Variants in CELF2 observed in about 807,000 individuals in gnomAD.
CELF2 encodes the protein CUG triplet repeat RNA-binding protein 2.
Under a neutral mutation model 62.6 loss-of-function variants are expected in CELF2, and 8 were observed. The observed-to-expected ratio is 0.13, with a 90% CI of 0.07 to 0.23. CELF2 has a LOEUF of 0.23. Ranked by LOEUF, CELF2 falls within the 10% of genes least tolerant of loss-of-function variation. CELF2 has a pLI of 1.00. For synonymous variants in CELF2, 258 were observed against 250.0 expected, an observed-to-expected ratio of 1.03 and a Z score of -0.30; for missense variants, 333 against 671.0, an observed-to-expected ratio of 0.50 and a Z score of 5.56.
At chr10:10,722,639 C>T in the CELF2 span, among the ~76,000 whole-genome samples, 5 of 152,268 alleles carry the variant, frequency 3.3e-5, no homozygotes, top group East Asian at 9.6e-4. Flanking sequence ...AATGTTATAG[C>T]TTATTGCTTA....
the CELF2 span, among the ~76,000 whole-genome samples, chr10:10,747,246 ACT>A: frequency 6.6e-6 from 1 of 152,074 alleles, no homozygotes; most frequent in African/African-American, 2.4e-5. Context: ...GAATCTAAGG[ACT>A]CTTTCAATAA....
chr10:10,649,860 C>T, the CELF2 span, among the ~76,000 whole-genome samples: 1 of 152,178 alleles, frequency 6.6e-6, no homozygotes, highest in African/African-American at 2.4e-5. Flanking sequence ...AGGCTACATT[C>T]GGATTCCCCT....
In CELF2 at chr10:10,947,999, A is replaced by G. The variant is rs2047888624; in HGVS notation, c.89+28000A>G. Among the ~76,000 whole-genome samples, 1 of 152,218 alleles carries G rather than the reference A, an allele frequency of 6.6e-6. No individual in the cohort carries two copies. The highest frequency in any genetic ancestry group is 2.4e-5 in the African/African-American group (1 of 41,456). ...ATGAGAAAGCTGGATGTAGGTTTGG[A>G]CACACTGTGTGGGTGCCCACTTTTC... On this transcript the variant is annotated intron_variant, in intron 2 of 13. Coordinates refer to the CELF2 transcript ENST00000636488. This position sits in a 1 kb window ranked among gnomAD's most constrained non-coding sequence, Gnocchi z 4.1.
rs1347427189 is a variant in CELF2, at chr10:11,302,911, G to T, written c.977-11228G>T. On this transcript the variant is annotated intron_variant, in intron 9 of 12. Transcript: ENST00000633077. The surrounding 1 kb of genome is among the most constrained non-coding windows in gnomAD (Gnocchi z 5.0). The stretch of plus-strand genomic sequence containing the variant: ...GTCCTCTCTTTCTCTGCCAGGAGAT[G>T]AAGCCAGCGTGTGTTTGGCACAACA... Among the ~76,000 whole-genome samples, 1 of 152,198 alleles carries T rather than the reference G, an allele frequency of 6.6e-6. No individual in the cohort carries two copies. Among genetic ancestry groups the T allele is most frequent in the Non-Finnish European group, 1.5e-5 (1 of 68,034 alleles).
chr10:10,725,377 A>G, the CELF2 span, among the ~76,000 whole-genome samples: 1 of 152,220 alleles, frequency 6.6e-6, no homozygotes, highest in Admixed American at 6.5e-5. Context: ...GGTGAAATGT[A>G]GTAGCTATTA....
At chr10:10,547,710 T>A in the CELF2 span, among the ~76,000 whole-genome samples, 1 of 151,834 alleles carries the variant, frequency 6.6e-6, no homozygotes, top group Admixed American at 6.6e-5. Flanking sequence ...TGTGTGTGTG[T>A]GTGTGTGTGT....
intron 2 of CELF2, among the ~76,000 whole-genome samples, chr10:11,197,052 A>AGAAAAAAGAAAGAAG (rs2058026585): frequency 9.5e-5 from 3 of 31,620 alleles, no homozygotes; most frequent in African/African-American, 3.9e-4. Flanking sequence ...AAAGAAAGAA[A>AGAAAAAAGAAAGAAG]GAAAGAAAAG....
intron 1 of CELF2, among the ~76,000 whole-genome samples, chr10:10,910,463 G>A (rs1414526551): frequency 6.6e-6 from 1 of 152,088 alleles, no homozygotes; most frequent in Admixed American, 6.5e-5. Context: ...GGGAGGCCGA[G>A]GTGGGCAGAT....
At chr10:10,589,286 C>G in the CELF2 span, among the ~76,000 whole-genome samples, 1 of 152,196 alleles carries the variant, frequency 6.6e-6, no homozygotes, top group African/African-American at 2.4e-5. Context: ...AGCCAAGGTT[C>G]TATCATGCAG....
intron 1 of CELF2, among the ~76,000 whole-genome samples, chr10:10,811,250 A>AT (rs1185735394): frequency 1.6e-4 from 24 of 152,364 alleles, no homozygotes; most frequent in South Asian, 2.1e-4. Context: ...GTCAGGACAG[A>AT]TTTTAATTAC....
chr10:10,716,762 C>T, the CELF2 span, among the ~76,000 whole-genome samples: 1 of 152,204 alleles, frequency 6.6e-6, no homozygotes, highest in South Asian at 2.1e-4. Flanking sequence ...GGCAACCAAA[C>T]TTTCCACCAA....
chr10:10,639,463 G>T, the CELF2 span, among the ~76,000 whole-genome samples: 6 of 152,070 alleles, frequency 3.9e-5, no homozygotes, highest in African/African-American at 1.4e-4. Flanking sequence ...TTTTATAAAC[G>T]TTGGAGGAGA....
chr10:11,173,157 A>G (rs970928662), intron 2 of CELF2, among the ~76,000 whole-genome samples: 2 of 152,216 alleles, frequency 1.3e-5, no homozygotes, highest in Admixed American at 1.3e-4. Context: ...ATGTCTTACC[A>G]TCAGTCACCC....
At chr10:10,986,988 T>C (rs2052836374) in intron 2 of CELF2, among the ~76,000 whole-genome samples, 1 of 152,206 alleles carries the variant, frequency 6.6e-6, no homozygotes, top group South Asian at 2.1e-4. Flanking sequence ...TATAAACTGT[T>C]TATTTTATGG....
intron 3 of CELF2, among the ~76,000 whole-genome samples, chr10:11,248,058 C>G: frequency 6.6e-6 from 1 of 152,188 alleles, no homozygotes; most frequent in East Asian, 1.9e-4. Flanking sequence ...CTGTGGCTTG[C>G]AAGTGATGGA....
chr10:10,696,863 A>C, the CELF2 span, among the ~76,000 whole-genome samples: 43,308 of 152,006 alleles, frequency 0.28, 6,365 homozygotes, highest in South Asian at 0.47. Flanking sequence ...CGTGCACCCA[A>C]TGACCTATGC....
the CELF2 span, among the ~76,000 whole-genome samples, chr10:10,676,112 C>G: frequency 6.6e-6 from 1 of 152,136 alleles, no homozygotes. Context: ...GAGAAGCATT[C>G]TGTGGCCTTA....
chr10:11,038,662 T>C (rs545925908), intron 1 of CELF2, among the ~76,000 whole-genome samples: 7 of 152,198 alleles, frequency 4.6e-5, no homozygotes, highest in Non-Finnish European at 7.3e-5. Flanking sequence ...ATTTCAGCAC[T>C]GATTTCATAC....
At chr10:11,279,621 C>A (rs1184134534) in intron 8 of CELF2, among the ~76,000 whole-genome samples, 1 of 152,166 alleles carries the variant, frequency 6.6e-6, no homozygotes, top group Non-Finnish European at 1.5e-5. Context: ...GCACTTGTAA[C>A]AACTGACATC....
Sources: allele counts gnomAD v4.1 joint callset (sites outside exome capture counted in the v4.1 genomes callset), GRCh38; gene constraint gnomAD v4.1.1; non-coding constraint Gnocchi (gnomAD v3.1); transcripts MANE v1.5; gene names NCBI Gene and HGNC (gene_info 2026-07-23, HGNC 2026-07-21).